The following PTPN11 variants were observed in gnomAD, a reference collection of about 807,000 sequenced individuals.
PTPN11 encodes the protein protein tyrosine phosphatase non-receptor type 11, also known as tyrosine-protein phosphatase non-receptor type 11.
A neutral mutation model predicts 78.8 loss-of-function variants in PTPN11; 6 were observed. The ratio of observed to expected loss-of-function variants is 0.08; its 90% CI spans 0.04 to 0.15. The LOEUF (loss-of-function observed/expected upper bound fraction) is 0.15, where lower values mean the gene tolerates loss of function less well. PTPN11 is among the 10% of genes least tolerant of loss of function. The pLI, the probability that PTPN11 is intolerant of heterozygous loss-of-function variation, is 1.00. For missense variants in PTPN11, 386 were observed against 744.8 expected (o/e 0.52, Z 5.61); for synonymous variants, 221 against 263.5 (o/e 0.84, Z 1.56).
At position 112,439,555 on chromosome 12, in the gene PTPN11, G is replaced by A. The variant is rs540682553; in HGVS notation, c.15-6721G>A. On this transcript the variant is annotated intron_variant, in intron 1 of 15. Coordinates refer to ENST00000351677, the MANE Select transcript of PTPN11 (RefSeq NM_002834.5). Reference sequence around the variant, plus strand: ...GTGATCTCGGCTCTCTGTAACCTTCGTCTCCTGGGTTCAGGTGATTCTCCT... The same window carrying A: ...GTGATCTCGGCTCTCTGTAACCTTCATCTCCTGGGTTCAGGTGATTCTCCT... Among the ~76,000 whole-genome samples, 9 of 151,906 alleles carry A rather than the reference G, an allele frequency of 5.9e-5. No individual in the cohort carries two copies. The South Asian group carries it at 1.9e-3, about 32-fold the overall frequency.
At chr12:112,435,585 C>T (rs1280652028) in intron 1 of PTPN11, among the ~76,000 whole-genome samples, 1 of 150,776 alleles carries the variant, frequency 6.6e-6, no homozygotes, top group Non-Finnish European at 1.5e-5. Context: ...AAATTCTTCA[C>T]TTTCCATCTA....
At chr12:112,439,980 G>A (rs985248750) in intron 1 of PTPN11, among the ~76,000 whole-genome samples, 1 of 152,126 alleles carries the variant, frequency 6.6e-6, no homozygotes, top group African/African-American at 2.4e-5. Flanking sequence ...GCAAAAGAGA[G>A]TTGACATTTT....
intron 13 of PTPN11, among the ~76,000 whole-genome samples, chr12:112,493,540 C>T (rs1014574678): frequency 1.3e-5 from 2 of 151,846 alleles, no homozygotes; most frequent in South Asian, 2.1e-4. Context: ...AGGTACCCGC[C>T]ACCATGCCTG....
rs1354993827 is a variant in PTPN11 at position 112,506,550 on chromosome 12, G to A, written c.*758G>A. ...TTCTTTGCATTTGAATAATTGTCTT[G>A]TACTTAGAAAAAAGGCGTCTATGAA... is the stretch of plus-strand genomic sequence containing the variant. On this transcript the variant is annotated 3_prime_UTR_variant, in exon 16 of 16. Coordinates refer to ENST00000351677, the MANE Select transcript of PTPN11 (RefSeq NM_002834.5). 1 of 151,558 alleles carries A rather than the reference G, an allele frequency of 6.6e-6. No homozygotes were observed. The highest frequency in any genetic ancestry group is 6.6e-5 in the Admixed American group (1 of 15,202). The allele number at this position is 151,558 out of a possible 1,614,324, so 9.4% of individuals were successfully genotyped here.
chr12:112,432,485 G>A (rs1451653922), intron 1 of PTPN11, among the ~76,000 whole-genome samples: 1 of 151,930 alleles, frequency 6.6e-6, no homozygotes, highest in Non-Finnish European at 1.5e-5. Flanking sequence ...GGCCAACATG[G>A]TGAAACCCTG....
intron 14 of PTPN11, among the ~76,000 whole-genome samples, chr12:112,502,550 C>T (rs2038888815): frequency 6.6e-6 from 1 of 152,108 alleles, no homozygotes; most frequent in Non-Finnish European, 1.5e-5. Context: ...AGTTCGAGAC[C>T]AGCCTGGCCA....
intron 6 of PTPN11, among the ~76,000 whole-genome samples, chr12:112,462,346 C>A (rs2038260573): frequency 6.6e-6 from 1 of 151,828 alleles, no homozygotes; most frequent in Admixed American, 6.6e-5. Flanking sequence ...AGAGCAGGGA[C>A]CCTGTTTTTA....
At chr12:112,492,331 G>C (rs1319285760) in intron 13 of PTPN11, among the ~76,000 whole-genome samples, 1 of 152,074 alleles carries the variant, frequency 6.6e-6, no homozygotes, top group East Asian at 1.9e-4. Context: ...TGAGCAAAAC[G>C]TAGCTGGGAC....
rs2135915113 is a variant in PTPN11 at position 112,488,482 on chromosome 12, T to C, written c.1419T>C (p.Asp473=). The C allele has an allele frequency of 1.2e-6, 2 of 1,612,896 alleles. No homozygotes were observed. Among genetic ancestry groups the C allele is most frequent in the Non-Finnish European group, 1.7e-6 (2 of 1,178,888 alleles). Residue 473 remains aspartate, a synonymous_variant, in exon 12 of 16, where the codon GAT becomes GAC. Transcript: ENST00000351677. Reference sequence around the variant, plus strand: ...GGACAGGGACGTTCATTGTGATTGATATTCTTATTGACATCATCAGAGAGA... The same window carrying C: ...GGACAGGGACGTTCATTGTGATTGACATTCTTATTGACATCATCAGAGAGA... ...IGRTGTFIVI[D]ILIDIIREKG...
chr12:112,439,101 A>G (rs1238821287), intron 1 of PTPN11, among the ~76,000 whole-genome samples: 2 of 152,028 alleles, frequency 1.3e-5, no homozygotes, highest in Non-Finnish European at 2.9e-5. Context: ...TACACCTTCC[A>G]TTTTATAGGA....
intron 1 of PTPN11, among the ~76,000 whole-genome samples, chr12:112,439,222 T>C (rs1027904867): frequency 6.6e-6 from 1 of 152,296 alleles, no homozygotes; most frequent in African/African-American, 2.4e-5. Context: ...TGCCACCATG[T>C]GTTAGTGATT....
intron 3 of PTPN11, among the ~76,000 whole-genome samples, chr12:112,452,826 G>A (rs1333785657): frequency 6.6e-6 from 1 of 152,166 alleles, no homozygotes; most frequent in African/African-American, 2.4e-5. Flanking sequence ...ACTATGCATG[G>A]CCTGTAACTT....
chr12:112,469,925 G>C (rs2038387941), intron 6 of PTPN11, among the ~76,000 whole-genome samples: 1 of 152,014 alleles, frequency 6.6e-6, no homozygotes, highest in Non-Finnish European at 1.5e-5. Flanking sequence ...CATCTTGAAG[G>C]TGCTTTTTTT....
At position 112,418,971 on chromosome 12, in the gene PTPN11, A is replaced by C; in HGVS notation, c.-141A>C. 1 of 1,004,538 alleles carries C rather than the reference A, an allele frequency of 1.0e-6. No individual in the cohort carries two copies. Among genetic ancestry groups the C allele is most frequent in the Non-Finnish European group, 1.5e-6 (1 of 675,470 alleles). 62.2% of individuals were successfully genotyped at this position (1,004,538 alleles called of 1,614,324 possible). On this transcript the variant is annotated 5_prime_UTR_variant, in exon 1 of 16. Coordinates refer to ENST00000351677, the MANE Select transcript of PTPN11 (RefSeq NM_002834.5). ...CAGTCTCCGGGATCCCCAGGCCTGGAGGGGGGTCTGTGCGCGGCCGGCTGG... is the reference window on the plus strand; with the variant it reads ...CAGTCTCCGGGATCCCCAGGCCTGGCGGGGGGTCTGTGCGCGGCCGGCTGG...
At chr12:112,424,954 A>C (rs2037587182) in intron 1 of PTPN11, among the ~76,000 whole-genome samples, 2 of 82,280 alleles carry the variant, frequency 2.4e-5, no homozygotes, top group Admixed American at 1.4e-4. Context: ...ATGTCAGGCT[A>C]ATTGTGTGTG....
At chr12:112,491,655 T>C (rs1338077370) in intron 13 of PTPN11, among the ~76,000 whole-genome samples, 1 of 152,198 alleles carries the variant, frequency 6.6e-6, no homozygotes, top group Non-Finnish European at 1.5e-5. Flanking sequence ...TTTGTCCTGC[T>C]AGTATCTTTT....
At chr12:112,421,634 GTTA>G (rs2037523520) in intron 1 of PTPN11, among the ~76,000 whole-genome samples, 1 of 151,818 alleles carries the variant, frequency 6.6e-6, no homozygotes, top group South Asian at 2.1e-4. Flanking sequence ...TATTATTATT[GTTA>G]TTATTGTGTT....
At chr12:112,492,195 G>A (rs1042001059) in intron 13 of PTPN11, among the ~76,000 whole-genome samples, 1 of 152,148 alleles carries the variant, frequency 6.6e-6, no homozygotes, top group Non-Finnish European at 1.5e-5. Flanking sequence ...TCACAGAAAT[G>A]TTGTTGTAGT....
chr12:112,475,835 G>A (rs906157958), intron 7 of PTPN11, among the ~76,000 whole-genome samples: 46 of 152,326 alleles, frequency 3.0e-4, no homozygotes, highest in African/African-American at 1.0e-3. Context: ...TAATGTATAT[G>A]TATGAGGATG....
Sources: allele counts gnomAD v4.1 joint callset (sites outside exome capture counted in the v4.1 genomes callset), GRCh38; gene constraint gnomAD v4.1.1; transcripts MANE v1.5; gene names NCBI Gene and HGNC (gene_info 2026-07-23, HGNC 2026-07-21).